Variants in RAB1A observed in about 807,000 individuals in gnomAD.
RAB1A encodes the protein RAB1A, member RAS oncogene family, also known as ras-related protein Rab-1A.
Under a neutral mutation model 26.0 loss-of-function variants are expected in RAB1A, and 2 were observed. That is an observed-to-expected ratio of 0.08 (90% CI 0.03 to 0.24). The LOEUF (loss-of-function observed/expected upper bound fraction) is 0.24, where lower values mean the gene tolerates loss of function less well. RAB1A is among the 10% of genes least tolerant of loss of function. RAB1A has a pLI of 1.00. For missense variants in RAB1A, 100 were observed against 247.0 expected (o/e 0.40, Z 3.99); for synonymous variants, 84 against 84.9 (o/e 0.99, Z 0.06).
chr2:65,094,599 A>G (rs1391200784), intron 3 of RAB1A, among the ~76,000 whole-genome samples: 1 of 143,184 alleles, frequency 7.0e-6, no homozygotes, highest in Non-Finnish European at 1.5e-5. Context: ...AAAAAAAAAA[A>G]GAAAAAAGAA....
chr2:65,091,101 T>G (rs757698194), intron 3 of RAB1A, 23 bp from the exon 4 acceptor site: 2 of 1,555,702 alleles, frequency 1.3e-6, no homozygotes, highest in Non-Finnish European at 8.8e-7. Context: ...AATCAAGAAA[T>G]CCAAACAATT....
chr2:65,129,758 GCCAGCCTCTCCTGACCCATCA>G, intron 1 of RAB1A, 114 bp downstream of exon 1: 1 of 1,373,066 alleles, frequency 7.3e-7, no homozygotes, highest in Non-Finnish European at 9.9e-7. Flanking sequence ...ACTCCCGGCC[GCCAGCCTCTCCTGACCCATCA>G]CCCTCGCCTC....
At chr2:65,129,593 C>A (rs2103896280) in intron 1 of RAB1A, among the ~76,000 whole-genome samples, 1 of 152,158 alleles carries the variant, frequency 6.6e-6, no homozygotes, top group East Asian at 1.9e-4. Flanking sequence ...AGAAGATACC[C>A]CTTCACACCG....
chr2:65,119,841 C>CAAAAAAA (rs1178958164), intron 1 of RAB1A, among the ~76,000 whole-genome samples: 9 of 36,414 alleles, frequency 2.5e-4, no homozygotes, highest in Admixed American at 8.9e-4. Context: ...CCTGTCTCTA[C>CAAAAAAA]AAAAAAAAAA....
chr2:65,093,393 A>G (rs1038192283), intron 3 of RAB1A, among the ~76,000 whole-genome samples: 2 of 152,160 alleles, frequency 1.3e-5, no homozygotes, highest in Non-Finnish European at 2.9e-5. Flanking sequence ...GAGGCCTTCC[A>G]TGGTGTACAA....
At chr2:65,101,596 G>A (rs1300299785) in intron 2 of RAB1A, among the ~76,000 whole-genome samples, 4 of 151,820 alleles carry the variant, frequency 2.6e-5, no homozygotes, top group Non-Finnish European at 5.9e-5. Flanking sequence ...CACCTACCGA[G>A]AGTTGCTTAA....
intron 3 of RAB1A, 36 bp from the exon 4 acceptor site, chr2:65,091,114 A>G: frequency 6.5e-7 from 1 of 1,532,730 alleles, no homozygotes; most frequent in Non-Finnish European, 9.0e-7. Context: ...AAACAATTCC[A>G]TTAAAATAAA....
intron 1 of RAB1A, among the ~76,000 whole-genome samples, chr2:65,123,173 T>TC (rs1432406060): frequency 3.4e-5 from 5 of 148,432 alleles, no homozygotes; most frequent in Non-Finnish European, 6.0e-5. Flanking sequence ...ACGTAAATTT[T>TC]TTTTTTTTTT....
chr2:65,105,511 CAAAAAAAAAAAAAAAAA>C (rs60594101), intron 1 of RAB1A: 1 of 33,008 alleles, frequency 3.0e-5, no homozygotes, highest in Admixed American at 4.5e-4. Context: ...AACTCTGTCT[CAAAAAAAAAAAAAAAAA>C]AAAAAAAAAA....
intron 4 of RAB1A, among the ~76,000 whole-genome samples, chr2:65,090,725 G>A (rs367982409): frequency 6.6e-6 from 1 of 152,142 alleles, no homozygotes; most frequent in African/African-American, 2.4e-5. Context: ...TTGGCTATTT[G>A]ATCAAAGTTA....
intron 1 of RAB1A, among the ~76,000 whole-genome samples, chr2:65,119,332 C>T (rs1669898812): frequency 6.6e-6 from 1 of 151,998 alleles, no homozygotes; most frequent in Non-Finnish European, 1.5e-5. Context: ...ATGGTGAAAC[C>T]CAGTCTCTAC....
At chr2:65,093,112 C>T (rs1450736990) in intron 3 of RAB1A, among the ~76,000 whole-genome samples, 1 of 152,150 alleles carries the variant, frequency 6.6e-6, no homozygotes, top group Non-Finnish European at 1.5e-5. Flanking sequence ...CAGAATAATA[C>T]ATGCACCATG....
In RAB1A at chr2:65,114,819, T is replaced by C. The variant is rs1669786929; in HGVS notation, c.24-10013A>G. On this transcript the variant is annotated intron_variant, in intron 1 of 5. Coordinates refer to ENST00000409784, the MANE Select transcript of RAB1A (RefSeq NM_004161.5). The stretch of plus-strand genomic sequence containing the variant: ...GAGATTGCGCCACTGCAGTCCGCAG[T>C]CCGGCCTGGGCAACAGAGCGAGACT... 4.0e-5 allele frequency among the ~76,000 whole-genome samples: 6 copies of C among 149,854 alleles called. No individual in the cohort carries two copies. In the Admixed American group the frequency reaches 4.0e-4, roughly 10 times the overall value.
intron 1 of RAB1A, among the ~76,000 whole-genome samples, chr2:65,117,906 T>A (rs1254079573): frequency 6.6e-6 from 1 of 152,208 alleles, no homozygotes; most frequent in Non-Finnish European, 1.5e-5. Context: ...GCACATGTAG[T>A]AAAGCAGAAA....
chr2:65,093,641 T>C (rs921721432), intron 3 of RAB1A, among the ~76,000 whole-genome samples: 49 of 147,986 alleles, frequency 3.3e-4, no homozygotes, highest in African/African-American at 1.0e-3. Context: ...TTTTTTTTTT[T>C]CAGACGGAGT....
chr2:65,128,483 G>A (rs2103893963), intron 1 of RAB1A, among the ~76,000 whole-genome samples: 1 of 152,196 alleles, frequency 6.6e-6, no homozygotes, highest in South Asian at 2.1e-4. Flanking sequence ...TTTTTAAACT[G>A]TCAACACAGC....
intron 1 of RAB1A, among the ~76,000 whole-genome samples, chr2:65,112,644 A>G (rs766387967): frequency 6.6e-6 from 1 of 152,220 alleles, no homozygotes; most frequent in Non-Finnish European, 1.5e-5. Flanking sequence ...AGTTCACTCT[A>G]TGAGAAAGCT....
At chr2:65,116,347 C>T (rs1039176989) in intron 1 of RAB1A, among the ~76,000 whole-genome samples, 1 of 152,084 alleles carries the variant, frequency 6.6e-6, no homozygotes, top group Admixed American at 6.6e-5. Context: ...TACCTCCTTA[C>T]CTCTCAAAGC....
chr2:65,123,685 G>T (rs1473427999), intron 1 of RAB1A, among the ~76,000 whole-genome samples: 1 of 151,836 alleles, frequency 6.6e-6, no homozygotes, highest in Non-Finnish European at 1.5e-5. Flanking sequence ...AATTAGCCGG[G>T]TGTGGTGGCA....
Sources: gnomAD v4.1 joint callset for allele counts (sites outside exome capture counted in the v4.1 genomes callset) on GRCh38, gnomAD v4.1.1 for gene constraint, MANE v1.5 for transcripts, NCBI Gene and HGNC (gene_info 2026-07-23, HGNC 2026-07-21) for gene names.